Variants in SYN3 observed in about 807,000 individuals in gnomAD.
SYN3 encodes the protein synapsin III.
In SYN3, 35 loss-of-function variants were observed where a neutral mutation model predicts 65.8. That is an observed-to-expected ratio of 0.53 (90% CI 0.41 to 0.70). The LOEUF is 0.70. SYN3 is among the 30% of genes least tolerant of loss of function. SYN3 has a pLI of 0.00. For synonymous variants in SYN3, 270 were observed against 292.9 expected, an observed-to-expected ratio of 0.92 and a Z score of 0.80; for missense variants, 680 against 749.0, an observed-to-expected ratio of 0.91 and a Z score of 1.08.
chr22:32,636,435 C>G (rs908910255), intron 6 of SYN3, among the ~76,000 whole-genome samples: 1 of 150,756 alleles, frequency 6.6e-6, no homozygotes, highest in Non-Finnish European at 1.5e-5. Context: ...AAAAGAAAAT[C>G]AAAACCATTT....
chr22:32,598,528 C>G (rs1371141733), intron 6 of SYN3, among the ~76,000 whole-genome samples: 1 of 152,166 alleles, frequency 6.6e-6, no homozygotes, highest in Non-Finnish European at 1.5e-5. Flanking sequence ...CTCTTTCGCT[C>G]AGGCTGAAGT....
chr22:32,837,883 T>C lies in SYN3; in HGVS notation c.711+27032A>G, dbSNP rs145883649. Among the ~76,000 whole-genome samples, 1 of 152,268 alleles carries C rather than the reference T, an allele frequency of 6.6e-6. No homozygotes were observed. The highest frequency in any genetic ancestry group is 1.9e-4 in the East Asian group (1 of 5,168). Reference sequence around the variant, plus strand: ...ACTTTGTTGGACTCTCTGTTTTCTGTCTCTCCAATGGGCTGGACTCTCCAG... The same window carrying C: ...ACTTTGTTGGACTCTCTGTTTTCTGCCTCTCCAATGGGCTGGACTCTCCAG... On this transcript the variant is annotated intron_variant, in intron 6 of 13. Transcript: ENST00000358763. This position sits in a 1 kb window ranked among gnomAD's most constrained non-coding sequence, Gnocchi z 4.1.
At chr22:33,044,224 G>C (rs905327531) in intron 1 of SYN3, among the ~76,000 whole-genome samples, 2 of 152,156 alleles carry the variant, frequency 1.3e-5, no homozygotes, top group African/African-American at 4.8e-5. Flanking sequence ...AGCGGTACTA[G>C]GTACAGTGCG....
Position 32,811,626 on chromosome 22 carries a change from A to T in SYN3, c.711+53289T>A, listed in dbSNP as rs1394821552. On this transcript the variant is annotated intron_variant, in intron 6 of 13. Coordinates refer to ENST00000358763, the MANE Select transcript of SYN3 (RefSeq NM_003490.4). Reference sequence around the variant, plus strand: ...CTATTTTCACAACTCTTCACATTTTAGAGTCTTAAGTCCATTTGATCTCAT... The same window carrying T: ...CTATTTTCACAACTCTTCACATTTTTGAGTCTTAAGTCCATTTGATCTCAT... Among the ~76,000 whole-genome samples the T allele has an allele frequency of 3.3e-5, 5 of 152,254 alleles. No homozygotes were observed. In the East Asian group the frequency reaches 9.6e-4, roughly 29 times the overall value.
At chr22:33,041,139 G>T (rs1056011241) in intron 1 of SYN3, among the ~76,000 whole-genome samples, 2 of 151,868 alleles carry the variant, frequency 1.3e-5, no homozygotes, top group Non-Finnish European at 2.9e-5. Flanking sequence ...GGATGGTCTC[G>T]ATCTCCTGAC....
chr22:33,042,554 CAT>C (rs1601951952), intron 1 of SYN3, among the ~76,000 whole-genome samples: 2 of 152,176 alleles, frequency 1.3e-5, no homozygotes, highest in South Asian at 2.1e-4. Context: ...GCTCTAAAAA[CAT>C]AGTAATCCAG....
intron 6 of SYN3, among the ~76,000 whole-genome samples, chr22:32,679,350 A>C (rs1367609139): frequency 6.6e-6 from 1 of 152,068 alleles, no homozygotes; most frequent in African/African-American, 2.4e-5. Flanking sequence ...GCGCCTGGCA[A>C]TACCACATTT....
chr22:32,786,646 G>C (rs1160387563), intron 6 of SYN3, among the ~76,000 whole-genome samples: 1 of 152,160 alleles, frequency 6.6e-6, no homozygotes, highest in Admixed American at 6.5e-5. Context: ...ACAGGCGTGA[G>C]CCACCACGCC....
At chr22:32,549,425 T>TG (rs2058379715) in intron 7 of SYN3, among the ~76,000 whole-genome samples, 1 of 152,090 alleles carries the variant, frequency 6.6e-6, no homozygotes, top group Non-Finnish European at 1.5e-5. Context: ...GGCTAATTTT[T>TG]TATTTTTTAT....
chr22:32,627,432 C>T lies in SYN3; in HGVS notation c.712-30696G>A, dbSNP rs74646645. 5.6e-3 allele frequency among the ~76,000 whole-genome samples: 846 copies of T among 152,278 alleles called. 7 individuals are homozygous for T. Among genetic ancestry groups the T allele is most frequent in the East Asian group, 0.04 (206 of 5,182 alleles). On this transcript the variant is annotated intron_variant, in intron 6 of 13. Coordinates refer to ENST00000358763, the MANE Select transcript of SYN3 (RefSeq NM_003490.4). ...ACTTATGCACACCTACACACCCTGACGCACACTCACGGCAGGTCACACCAC... is the reference window on the plus strand; with the variant it reads ...ACTTATGCACACCTACACACCCTGATGCACACTCACGGCAGGTCACACCAC...
chr22:32,729,245 G>T (rs1044544745), intron 6 of SYN3, among the ~76,000 whole-genome samples: 1 of 152,214 alleles, frequency 6.6e-6, no homozygotes, highest in African/African-American at 2.4e-5. Flanking sequence ...ATGGCACAAA[G>T]CAGATCCTCA....
intron 6 of SYN3, among the ~76,000 whole-genome samples, chr22:32,759,045 A>G (rs2045378331): frequency 6.6e-6 from 1 of 152,062 alleles, no homozygotes; most frequent in Admixed American, 6.6e-5. Flanking sequence ...AGATTTACTC[A>G]TAAGATTATA....
At chr22:32,970,121 A>T (rs1281979386) in intron 3 of SYN3, among the ~76,000 whole-genome samples, 1 of 152,236 alleles carries the variant, frequency 6.6e-6, no homozygotes, top group Non-Finnish European at 1.5e-5. Flanking sequence ...ATATTTATTA[A>T]GCACTTTCTA....
intron 6 of SYN3, among the ~76,000 whole-genome samples, chr22:32,635,999 G>A (rs13340090): frequency 0.19 from 29,057 of 152,036 alleles, 6,198 homozygotes; most frequent in African/African-American, 0.53. Context: ...TTTCCCTTAA[G>A]GTATCGATGT....
intron 3 of SYN3, among the ~76,000 whole-genome samples, chr22:32,976,685 T>C (rs1440887102): frequency 2.0e-5 from 3 of 152,082 alleles, no homozygotes; most frequent in East Asian, 1.9e-4. Context: ...TTCTGGGTAA[T>C]AGAATGCAAA....
intron 7 of SYN3, among the ~76,000 whole-genome samples, chr22:32,564,966 AAAC>A (rs2058647268): frequency 6.8e-6 from 1 of 146,574 alleles, no homozygotes; most frequent in Non-Finnish European, 1.5e-5. Context: ...GACTGCACCC[AAAC>A]AGTGCTCCTG....
intron 3 of SYN3, among the ~76,000 whole-genome samples, chr22:32,970,535 C>T (rs145452250): frequency 6.3e-5 from 9 of 143,640 alleles, no homozygotes; most frequent in East Asian, 2.0e-4. Flanking sequence ...GGCAACAGAG[C>T]GAGACTCCAT....
chr22:32,994,209 G>A (rs759743569), intron 2 of SYN3, among the ~76,000 whole-genome samples: 10 of 152,088 alleles, frequency 6.6e-5, no homozygotes, highest in African/African-American at 1.7e-4. Flanking sequence ...AAAAGGGGCC[G>A]GGCCTGGGAA....
chr22:33,022,450 AGACCTGCTGGCCCTTTT>A (rs1460008013), intron 1 of SYN3, among the ~76,000 whole-genome samples: 1 of 152,198 alleles, frequency 6.6e-6, no homozygotes, highest in Non-Finnish European at 1.5e-5. Context: ...TCTCACACAC[AGACCTGCTGGCCCTTTT>A]GACCCCAAAG....
Sources: gnomAD v4.1 joint callset for allele counts (sites outside exome capture counted in the v4.1 genomes callset) on GRCh38, gnomAD v4.1.1 for gene constraint, Gnocchi (gnomAD v3.1) non-coding constraint, MANE v1.5 for transcripts, NCBI Gene and HGNC (gene_info 2026-07-23, HGNC 2026-07-21) for gene names.